LPP: variants seen among roughly 807,000 people sequenced by gnomAD.
The protein encoded by LPP is LIM domain containing preferred translocation partner in lipoma.
Under a neutral mutation model 60.4 loss-of-function variants are expected in LPP, and 38 were observed. The observed-to-expected ratio is 0.63, with a 90% CI of 0.49 to 0.83. LPP has a LOEUF of 0.83. Ranked by LOEUF, LPP falls within the 40% of genes least tolerant of loss-of-function variation. LPP has a pLI of 0.00. For synonymous variants in LPP, 328 were observed against 290.8 expected (o/e 1.13, Z -1.30); for missense variants, 902 against 783.6 (o/e 1.15, Z -1.80).
intron 5 of LPP, among the ~76,000 whole-genome samples, chr3:188,514,396 C>T (rs1042857930): frequency 5.3e-5 from 8 of 151,946 alleles, no homozygotes; most frequent in African/African-American, 1.9e-4. Flanking sequence ...TTTGGTTGAT[C>T]ACAGCCATAG....
chr3:188,224,201 C>T, intron 1 of LPP, among the ~76,000 whole-genome samples: 1 of 152,096 alleles, frequency 6.6e-6, no homozygotes, highest in South Asian at 2.1e-4. Flanking sequence ...CACCTCCTTA[C>T]CCAGGCCACC....
rs539594547 is a variant in LPP, at chr3:188,275,760, C to A, written c.-67+50233C>A. 2.3e-4 allele frequency among the ~76,000 whole-genome samples: 35 copies of A among 152,212 alleles called. No homozygotes were observed. In the South Asian group the frequency reaches 7.1e-3, roughly 31 times the overall value. On this transcript the variant is annotated intron_variant, in intron 2 of 11. Coordinates refer to ENST00000617246, the MANE Select transcript of LPP (RefSeq NM_001375462.1). ...GCACCATCTCGGCTCACTGCAACCT[C>A]CACTTCCCAGGTTCAAGCGATTCTC...
chr3:188,367,533 A>G (rs1449740269), intron 3 of LPP, among the ~76,000 whole-genome samples: 1 of 152,240 alleles, frequency 6.6e-6, no homozygotes, highest in Non-Finnish European at 1.5e-5. Context: ...TATGATGTCG[A>G]TAAAAATAGA....
intron 7 of LPP, among the ~76,000 whole-genome samples, chr3:188,641,217 TG>T: frequency 6.6e-6 from 1 of 152,360 alleles, no homozygotes; most frequent in South Asian, 2.1e-4. Context: ...GACCTGTTTT[TG>T]AATAAACATA....
At chr3:188,262,360 C>T (rs1191024978) in intron 2 of LPP, among the ~76,000 whole-genome samples, 2 of 151,348 alleles carry the variant, frequency 1.3e-5, no homozygotes, top group African/African-American at 2.4e-5. Flanking sequence ...GTAATATGTA[C>T]TCATGTATAG....
Position 188,353,284 on chromosome 3 carries a change from T to G in LPP, c.-10+11565T>G, listed in dbSNP as rs1023344713. ...ACCTGGAAGAGATCTAAACACAGGA[T>G]GAGCATCCAGTAAGTTTTTGTTGAG... On this transcript the variant is annotated intron_variant, in intron 3 of 11. Transcript: ENST00000617246. Among the ~76,000 whole-genome samples, 3 of 152,196 alleles carry G rather than the reference T, an allele frequency of 2.0e-5. No homozygotes were observed. In the East Asian group the frequency reaches 5.8e-4, roughly 29 times the overall value.
intron 5 of LPP, among the ~76,000 whole-genome samples, chr3:188,501,233 G>A (rs1246200893): frequency 6.6e-6 from 1 of 151,972 alleles, no homozygotes; most frequent in Non-Finnish European, 1.5e-5. Context: ...TTTCCCATAC[G>A]TTTGGTATGT....
rs796830660 is a variant in LPP at position 188,522,815 on chromosome 3, A to ATATATATG, written c.307-1849_307-1848insATATATGT. ...TATATATATATATATATATATATAT[A>ATATATATG]TGTGTATGTGTGTGTGTATGTGTGT... is the stretch of plus-strand genomic sequence containing the variant. On this transcript the variant is annotated intron_variant, in intron 5 of 11. Coordinates refer to ENST00000617246, the MANE Select transcript of LPP (RefSeq NM_001375462.1). 1.4e-3 allele frequency among the ~76,000 whole-genome samples: 188 copies of ATATATATG among 136,466 alleles called. 1 individual carries two copies. Among genetic ancestry groups the ATATATATG allele is most frequent in the South Asian group, 6.1e-3 (26 of 4,284 alleles). 89.5% of individuals were successfully genotyped at this position (136,466 alleles called of 152,430 possible). A position where few individuals can be genotyped will look rare whatever the true frequency, so the allele number is the denominator to read the frequency against.
At chr3:188,252,073 T>TATAC (rs1270642527) in intron 2 of LPP, among the ~76,000 whole-genome samples, 3 of 80,422 alleles carry the variant, frequency 3.7e-5, no homozygotes, top group African/African-American at 1.1e-4. Flanking sequence ...TATATATATA[T>TATAC]ATACACACAC....
At chr3:188,305,037 C>T (rs1171120413) in intron 2 of LPP, among the ~76,000 whole-genome samples, 1 of 152,064 alleles carries the variant, frequency 6.6e-6, no homozygotes, top group Non-Finnish European at 1.5e-5. Context: ...TCTCAATTGC[C>T]AGGACTTTTT....
chr3:188,688,313 G>A (rs1375394778), intron 7 of LPP, among the ~76,000 whole-genome samples: 2 of 152,210 alleles, frequency 1.3e-5, no homozygotes, highest in Admixed American at 6.5e-5. Flanking sequence ...AGATTTTAGA[G>A]TTAATGACTC....
intron 3 of LPP, among the ~76,000 whole-genome samples, chr3:188,342,461 G>A (rs185820239): frequency 6.6e-6 from 1 of 152,266 alleles, no homozygotes; most frequent in Non-Finnish European, 1.5e-5. Flanking sequence ...TTCTCCTAAA[G>A]TCAACCTGCT....
chr3:188,455,900 T>C (rs1797632657), intron 4 of LPP, among the ~76,000 whole-genome samples: 1 of 152,226 alleles, frequency 6.6e-6, no homozygotes, highest in African/African-American at 2.4e-5. Context: ...AATTTTTTTA[T>C]TTGTTTATTT....
intron 9 of LPP, among the ~76,000 whole-genome samples, chr3:188,800,459 A>G (rs906835768): frequency 3.3e-5 from 5 of 151,844 alleles, no homozygotes; most frequent in African/African-American, 9.7e-5. Flanking sequence ...GTTAGCCAGG[A>G]TGGTCTCCAT....
chr3:188,171,452 C>A (rs1404446568), intron 1 of LPP, among the ~76,000 whole-genome samples: 2 of 152,216 alleles, frequency 1.3e-5, no homozygotes, highest in African/African-American at 2.4e-5. Flanking sequence ...TGGATAGCTT[C>A]CTCTCTCCTC....
chr3:188,604,514 C>T (rs1842039666), intron 6 of LPP, among the ~76,000 whole-genome samples: 1 of 151,862 alleles, frequency 6.6e-6, no homozygotes, highest in Non-Finnish European at 1.5e-5. Flanking sequence ...CAATACATTC[C>T]AAATTAAAAT....
chr3:188,671,422 A>G (rs953298446), intron 7 of LPP, among the ~76,000 whole-genome samples: 3 of 152,312 alleles, frequency 2.0e-5, no homozygotes, highest in Middle Eastern at 3.4e-3. Flanking sequence ...AGTTTATCAA[A>G]CTTCAATATT....
At chr3:188,563,485 T>TGTGTGTGTGTGTGTGG (rs61021696) in intron 6 of LPP, among the ~76,000 whole-genome samples, 2 of 131,362 alleles carry the variant, frequency 1.5e-5, no homozygotes, top group Non-Finnish European at 3.4e-5. Flanking sequence ...TGTGTGTGTG[T>TGTGTGTGTGTGTGTGG]GGTATATTAT....
At chr3:188,381,812 CTG>C (rs1776975366) in intron 3 of LPP, among the ~76,000 whole-genome samples, 1 of 152,032 alleles carries the variant, frequency 6.6e-6, no homozygotes, top group African/African-American at 2.4e-5. Context: ...TGACAATTAA[CTG>C]TTGTTGATTT....
Sources: allele counts gnomAD v4.1 joint callset (sites outside exome capture counted in the v4.1 genomes callset), GRCh38; gene constraint gnomAD v4.1.1; transcripts MANE v1.5; gene names NCBI Gene and HGNC (gene_info 2026-07-23, HGNC 2026-07-21).